TLN2: variants seen among roughly 807,000 people sequenced by gnomAD.
The protein encoded by TLN2 is talin 2.
TLN2 carries 118 observed loss-of-function variants against 294.7 expected under a neutral mutation model. The ratio of observed to expected loss-of-function variants is 0.40; its 90% CI spans 0.34 to 0.47. The LOEUF (loss-of-function observed/expected upper bound fraction) is 0.47. TLN2 is among the 20% of genes least tolerant of loss of function. TLN2 has a pLI of 0.84. For missense variants in TLN2, 3,083 were observed against 3,282.2 expected (o/e 0.94, Z 1.48); for synonymous variants, 1,431 against 1,304.5 (o/e 1.10, Z -2.09).
rs2069130346 is a variant in TLN2, at chr15:62,833,705, G to A, written c.7128+76G>A. 15 of 1,554,950 alleles carry A rather than the reference G, an allele frequency of 9.6e-6. No individual in the cohort carries two copies. The South Asian group carries it at 1.4e-4, about 15-fold the overall frequency. On this transcript the variant is annotated intron_variant, in intron 55 of 58. Transcript: ENST00000636159. ...AGGGGGCCCAGGAAAAGAGCTACAAGCTTTTGTCCTGACCAAGGAAACACA... is the reference window on the plus strand; with the variant it reads ...AGGGGGCCCAGGAAAAGAGCTACAAACTTTTGTCCTGACCAAGGAAACACA...
chr15:62,676,686 C>A (rs965840077), intron 11 of TLN2, among the ~76,000 whole-genome samples: 1 of 152,192 alleles, frequency 6.6e-6, no homozygotes, highest in Non-Finnish European at 1.5e-5. Flanking sequence ...GCGATCGTGG[C>A]TCATTGAAAC....
chr15:62,442,492 CAGA>C (rs1294760388), intron 1 of TLN2, among the ~76,000 whole-genome samples: 818 of 65,500 alleles, frequency 0.012, 20 homozygotes, highest in African/African-American at 0.04. Flanking sequence ...GACTCTGTCT[CAGA>C]AAAAAAAAAA....
At position 62,663,826 on chromosome 15, in the gene TLN2, G is replaced by A. The variant is rs576803284; in HGVS notation, c.788+5928G>A. On this transcript the variant is annotated intron_variant, in intron 9 of 58. Transcript: ENST00000636159. ...GCTATGTTAATGGGTAGGAAGACTT[G>A]TATCAGGTAAAGTACTTCTACCCAA... Among the ~76,000 whole-genome samples, 8 of 152,072 alleles carry A rather than the reference G, an allele frequency of 5.3e-5. No homozygotes were observed. In the South Asian group the frequency reaches 1.7e-3, roughly 32 times the overall value.
chr15:62,408,457 G>A (rs2033562683), intron 1 of TLN2, among the ~76,000 whole-genome samples: 1 of 152,136 alleles, frequency 6.6e-6, no homozygotes. Flanking sequence ...CTTAGAGCAA[G>A]CAGCCCAATA....
intron 1 of TLN2, among the ~76,000 whole-genome samples, chr15:62,491,357 C>T (rs868712829): frequency 0.015 from 1,247 of 85,100 alleles, 13 homozygotes; most frequent in Non-Finnish European, 0.018. Flanking sequence ...TATATACACA[C>T]ACACACACAC....
intron 21 of TLN2, among the ~76,000 whole-genome samples, chr15:62,709,919 G>T (rs1301095387): frequency 1.3e-5 from 2 of 151,978 alleles, no homozygotes; most frequent in African/African-American, 4.8e-5. Context: ...ATTTTTAGTA[G>T]AGATGGGGCT....
At chr15:62,836,369 C>T (rs1010740541) in intron 57 of TLN2, among the ~76,000 whole-genome samples, 1 of 152,236 alleles carries the variant, frequency 6.6e-6, no homozygotes, top group Non-Finnish European at 1.5e-5. Context: ...CTCCCTGACT[C>T]CCAGGGTTTG....
intron 2 of TLN2, among the ~76,000 whole-genome samples, chr15:62,615,204 A>C (rs1018928967): frequency 6.6e-6 from 1 of 152,198 alleles, no homozygotes; most frequent in Admixed American, 6.5e-5. Context: ...CTCTCAATCT[A>C]TTGACAGATG....
intron 52 of TLN2, among the ~76,000 whole-genome samples, chr15:62,813,282 C>T (rs2066836622): frequency 6.6e-6 from 1 of 152,174 alleles, no homozygotes; most frequent in Non-Finnish European, 1.5e-5. Flanking sequence ...TGTTAAAAGC[C>T]TGCCAGCTGA....
chr15:62,603,818 G>A (rs1460368677), intron 2 of TLN2, among the ~76,000 whole-genome samples: 2 of 152,196 alleles, frequency 1.3e-5, no homozygotes, highest in African/African-American at 4.8e-5. Context: ...TTTATAGGAA[G>A]GTCTGTTAGA....
At position 62,755,622 on chromosome 15, in the gene TLN2, G is replaced by GC; in HGVS notation, c.4569dup (p.Lys1524GlnfsTer31). 1 of 1,614,198 alleles carries GC rather than the reference G, an allele frequency of 6.2e-7. No individual in the cohort carries two copies. Among genetic ancestry groups the GC allele is most frequent in the Non-Finnish European group, 8.5e-7 (1 of 1,180,034 alleles). On this transcript the variant is annotated frameshift_variant, in exon 37 of 59. Transcript: ENST00000636159. LOFTEE classifies it high-confidence loss of function. ...CTCATCCAAGACGGCCAACCCAGTAGCCAAGAGGCACTTCGTCCAGTCAGC... is the reference window on the plus strand; with the variant it reads ...CTCATCCAAGACGGCCAACCCAGTAGCCCAAGAGGCACTTCGTCCAGTCAGC...
At chr15:62,695,438 A>G (rs1165062597) in intron 14 of TLN2, among the ~76,000 whole-genome samples, 5 of 152,180 alleles carry the variant, frequency 3.3e-5, no homozygotes, top group African/African-American at 1.2e-4. Context: ...GGTCCCAGGC[A>G]GGATCTATCT....
At chr15:62,711,718 A>G (rs1056040396) in intron 21 of TLN2, among the ~76,000 whole-genome samples, 193 bp from the exon 22 acceptor site, 1 of 152,204 alleles carries the variant, frequency 6.6e-6, no homozygotes, top group Non-Finnish European at 1.5e-5. Context: ...GGGGAGCCGC[A>G]TCCTGGCAGC....
intron 1 of TLN2, among the ~76,000 whole-genome samples, chr15:62,569,479 A>T (rs2043683556): frequency 6.6e-6 from 1 of 152,242 alleles, no homozygotes. Flanking sequence ...GGCAGGGGTT[A>T]GCCCGGCATT....
chr15:62,830,063 T>TATAG, intron 54 of TLN2: 1 of 152,222 alleles, frequency 6.6e-6, no homozygotes, highest in African/African-American at 2.4e-5. Context: ...CCAGTAGTTA[T>TATAG]AGAGAAACAT....
intron 57 of TLN2, among the ~76,000 whole-genome samples, chr15:62,836,282 C>A (rs186827969): frequency 6.6e-6 from 1 of 152,264 alleles, no homozygotes; most frequent in Non-Finnish European, 1.5e-5. Flanking sequence ...CTTCTGGTCT[C>A]ATGCCCTGGG....
At position 62,423,319 on chromosome 15, in the gene TLN2, C is replaced by T. The variant is rs77523147; in HGVS notation, c.-238+32634C>T. Among the ~76,000 whole-genome samples, 379 of 152,028 alleles carry T rather than the reference C, an allele frequency of 2.5e-3. 6 individuals are homozygous for T. The highest frequency in any genetic ancestry group is 0.012 in the East Asian group (63 of 5,160). On this transcript the variant is annotated intron_variant, in intron 1 of 58. Transcript: ENST00000636159. Reference sequence around the variant, plus strand: ...GGAGGATCACCTGAGCCTGGGAGGTCGAGGTTGTGCCATTGTACTCCAGCC... The same window carrying T: ...GGAGGATCACCTGAGCCTGGGAGGTTGAGGTTGTGCCATTGTACTCCAGCC...
At chr15:62,428,886 C>T (rs891543357) in intron 1 of TLN2, among the ~76,000 whole-genome samples, 2 of 152,076 alleles carry the variant, frequency 1.3e-5, no homozygotes, top group Admixed American at 1.3e-4. Flanking sequence ...AATTCTTGAT[C>T]CTGACTGATC....
At chr15:62,660,861 G>C (rs576400847) in intron 9 of TLN2, among the ~76,000 whole-genome samples, 1 of 152,260 alleles carries the variant, frequency 6.6e-6, no homozygotes, top group South Asian at 2.1e-4. Flanking sequence ...TATATGAAAT[G>C]GTTATTATGC....
Sources: gnomAD v4.1 joint callset for allele counts (sites outside exome capture counted in the v4.1 genomes callset) on GRCh38, gnomAD v4.1.1 for gene constraint, MANE v1.5 for transcripts, NCBI Gene and HGNC (gene_info 2026-07-23, HGNC 2026-07-21) for gene names.